The following SGCD variants were observed in gnomAD, a reference collection of about 807,000 sequenced individuals.
The protein encoded by SGCD is sarcoglycan delta, also known as delta-sarcoglycan.
A neutral mutation model predicts 36.6 loss-of-function variants in SGCD; 18 were observed. The ratio of observed to expected loss-of-function variants is 0.49; its 90% CI spans 0.34 to 0.73. The LOEUF (loss-of-function observed/expected upper bound fraction) is 0.73. Among genes scored for constraint, SGCD ranks in the 30% least tolerant of loss-of-function variants. The pLI, the probability that SGCD is intolerant of heterozygous loss-of-function variation, is 0.01. For missense variants in SGCD, 387 were observed against 346.7 expected, an observed-to-expected ratio of 1.12 and a Z score of -0.92; for synonymous variants, 133 against 130.6, an observed-to-expected ratio of 1.02 and a Z score of -0.12.
intron 3 of SGCD, among the ~76,000 whole-genome samples, chr5:156,409,140 T>G (rs1772602366): frequency 6.6e-6 from 1 of 152,262 alleles, no homozygotes; most frequent in Admixed American, 6.5e-5. Context: ...TTTTTTACTT[T>G]GGCTACATTG....
intron 1 of SGCD, among the ~76,000 whole-genome samples, chr5:155,990,480 T>C (rs1758410288): frequency 6.6e-6 from 1 of 152,160 alleles, no homozygotes; most frequent in Non-Finnish European, 1.5e-5. Context: ...TAGACAGTTG[T>C]CATGTTTCAG....
At chr5:156,258,101 G>C (rs534260517) in intron 3 of SGCD, among the ~76,000 whole-genome samples, 1 of 152,102 alleles carries the variant, frequency 6.6e-6, no homozygotes, top group South Asian at 2.1e-4. Context: ...TGTGAACAAA[G>C]TAAGCTTGTC....
chr5:155,957,721 A>G (rs1302983661), intron 1 of SGCD, among the ~76,000 whole-genome samples: 1 of 152,100 alleles, frequency 6.6e-6, no homozygotes, highest in East Asian at 1.9e-4. Flanking sequence ...GCCCATGTAG[A>G]TAAACCAGCC....
At chr5:156,566,173 G>A (rs779706797) in intron 4 of SGCD, among the ~76,000 whole-genome samples, 4 of 152,112 alleles carry the variant, frequency 2.6e-5, no homozygotes, top group Non-Finnish European at 5.9e-5. Flanking sequence ...TTAAAATGGC[G>A]ATCATTAAAG....
At chr5:156,077,573 G>A (rs1046191031) in intron 1 of SGCD, among the ~76,000 whole-genome samples, 1 of 152,058 alleles carries the variant, frequency 6.6e-6, no homozygotes, top group Non-Finnish European at 1.5e-5. Flanking sequence ...CTGTTGTGGA[G>A]TTTTCACTTT....
intron 1 of SGCD, among the ~76,000 whole-genome samples, chr5:156,112,591 G>A (rs1761813442): frequency 6.6e-6 from 1 of 152,098 alleles, no homozygotes; most frequent in Non-Finnish European, 1.5e-5. Flanking sequence ...TTTGAGAATT[G>A]AGAACCAGGG....
intron 3 of SGCD, among the ~76,000 whole-genome samples, chr5:156,351,924 C>A (rs1189381468): frequency 6.6e-6 from 1 of 152,164 alleles, no homozygotes; most frequent in African/African-American, 2.4e-5. Context: ...CCAGCCCTAA[C>A]TGGCCATGAA....
At chr5:156,113,090 A>C (rs1761828061) in intron 1 of SGCD, among the ~76,000 whole-genome samples, 1 of 144,544 alleles carries the variant, frequency 6.9e-6, no homozygotes, top group Non-Finnish European at 1.6e-5. Flanking sequence ...CATGTAGAAG[A>C]TCTTGTCCCC....
intron 3 of SGCD, among the ~76,000 whole-genome samples, chr5:156,384,459 T>C (rs1283159331): frequency 1.1e-4 from 16 of 152,214 alleles, no homozygotes. Flanking sequence ...TTCACTAGGA[T>C]AGGAATTCCA....
At chr5:156,380,591 A>C (rs1018364682) in intron 3 of SGCD, among the ~76,000 whole-genome samples, 1 of 152,236 alleles carries the variant, frequency 6.6e-6, no homozygotes, top group African/African-American at 2.4e-5. Flanking sequence ...CCTGAGTGGC[A>C]GATATTTAGA....
chr5:155,853,194 C>T, the SGCD span, among the ~76,000 whole-genome samples: 3 of 149,504 alleles, frequency 2.0e-5, no homozygotes, highest in Non-Finnish European at 4.4e-5. Flanking sequence ...TGTTATTTAA[C>T]AGTTGATTGT....
chr5:156,469,352 G>A (rs752227563), intron 3 of SGCD, among the ~76,000 whole-genome samples: 1 of 152,172 alleles, frequency 6.6e-6, no homozygotes, highest in Non-Finnish European at 1.5e-5. Flanking sequence ...ATCTGCCATA[G>A]CCTGTATTAT....
At chr5:155,991,309 G>A (rs1401110420) in intron 1 of SGCD, among the ~76,000 whole-genome samples, 3 of 152,156 alleles carry the variant, frequency 2.0e-5, no homozygotes, top group Non-Finnish European at 4.4e-5. Context: ...TCACTGCTTT[G>A]TACAGCTTGC....
intron 2 of SGCD, among the ~76,000 whole-genome samples, chr5:156,120,368 G>A (rs139725689): frequency 7.8e-4 from 118 of 152,156 alleles, no homozygotes; most frequent in Admixed American, 1.6e-3. Flanking sequence ...GTCAGCACAC[G>A]CTATATCACT....
At chr5:156,521,288 C>T (rs1312955163) in intron 4 of SGCD, among the ~76,000 whole-genome samples, 1 of 152,076 alleles carries the variant, frequency 6.6e-6, no homozygotes, top group African/African-American at 2.4e-5. Flanking sequence ...AGGACGTAGG[C>T]ATGGGCACAG....
chr5:155,858,575 A>T, the SGCD span, among the ~76,000 whole-genome samples: 1 of 152,226 alleles, frequency 6.6e-6, no homozygotes, highest in Admixed American at 6.5e-5. Flanking sequence ...GTTTTCAGCA[A>T]ATCAACTTTT....
rs964915450 is a variant in SGCD, at chr5:156,766,051, G to T, written c.*6661G>T. 1 of 132,518 alleles carries T rather than the reference G, an allele frequency of 7.5e-6. No individual in the cohort carries two copies. The highest frequency in any genetic ancestry group is 1.6e-5 in the Non-Finnish European group (1 of 63,102). 8.2% of individuals were successfully genotyped at this position (132,518 alleles called of 1,614,324 possible). A position where few individuals can be genotyped will look rare whatever the true frequency, so the allele number is the denominator to read the frequency against. ...GTCAAGCTTAAAAAAAAAAAAAAAA[G>T]ACCGGAAAATACCTGGGTTGTTAGC... On this transcript the variant is annotated 3_prime_UTR_variant, in exon 9 of 9. Transcript: ENST00000337851.
intron 4 of SGCD, among the ~76,000 whole-genome samples, chr5:156,553,817 T>C (rs938375959): frequency 2.6e-5 from 4 of 152,218 alleles, no homozygotes; most frequent in African/African-American, 7.2e-5. Context: ...TGAATTACTA[T>C]TACGTTTGGG....
At chr5:156,056,655 A>AAAAAAAACAAAAAAC (rs1760070283) in intron 1 of SGCD, among the ~76,000 whole-genome samples, 1 of 136,506 alleles carries the variant, frequency 7.3e-6, no homozygotes, top group African/African-American at 2.9e-5. Flanking sequence ...TAAAAAAAAA[A>AAAAAAAACAAAAAAC]AAAAAAAAAA....
Sources: gnomAD v4.1 joint callset for allele counts (sites outside exome capture counted in the v4.1 genomes callset) on GRCh38, gnomAD v4.1.1 for gene constraint, MANE v1.5 for transcripts, NCBI Gene and HGNC (gene_info 2026-07-23, HGNC 2026-07-21) for gene names.